USP3: variants seen among roughly 807,000 people sequenced by gnomAD.
The protein encoded by USP3 is ubiquitin carboxyl-terminal hydrolase 3.
A neutral mutation model predicts 72.3 loss-of-function variants in USP3; 20 were observed. The ratio of observed to expected loss-of-function variants is 0.28; its 90% CI spans 0.19 to 0.40. The LOEUF is 0.40. USP3 is among the 10% of genes least tolerant of loss of function. The probability of loss-of-function intolerance (pLI) is 1.00; values close to 1 mark genes in which losing one functional copy is unlikely to be tolerated. For missense variants in USP3, 479 were observed against 633.9 expected (o/e 0.76, Z 2.62); for synonymous variants, 222 against 225.3 (o/e 0.99, Z 0.13).
intron 1 of USP3, among the ~76,000 whole-genome samples, chr15:63,513,208 A>G (rs975148486): frequency 6.6e-6 from 1 of 152,296 alleles, no homozygotes; most frequent in East Asian, 1.9e-4. Flanking sequence ...CCCTGAAGAC[A>G]CTTAATTTTA....
chr15:63,576,100 G>T (rs567633738), intron 11 of USP3, among the ~76,000 whole-genome samples: 1 of 151,430 alleles, frequency 6.6e-6, no homozygotes, highest in East Asian at 2.0e-4. Flanking sequence ...GATTCTCCTG[G>T]CTCAGCCTCC....
rs773686634 is a variant in USP3 at position 63,544,936 on chromosome 15, T to G, written c.284+7780T>G. ...GTTTCTCAGGGAAAAGGGAAAAAGA[T>G]GTACCAAAGGAAATAACCAAAGTAT... On this transcript the variant is annotated intron_variant, in intron 3 of 14. Coordinates refer to ENST00000380324, the MANE Select transcript of USP3 (RefSeq NM_006537.4). This position sits in a 1 kb window ranked among gnomAD's most constrained non-coding sequence, Gnocchi z 4.2. Among the ~76,000 whole-genome samples the G allele has an allele frequency of 6.6e-6, 1 of 152,100 alleles. No homozygotes were observed. Among genetic ancestry groups the G allele is most frequent in the Non-Finnish European group, 1.5e-5 (1 of 68,004 alleles).
intron 3 of USP3, among the ~76,000 whole-genome samples, chr15:63,542,482 T>G (rs2066258795): frequency 6.6e-6 from 1 of 151,940 alleles, no homozygotes; most frequent in South Asian, 2.1e-4. Context: ...TAGTTGGAAA[T>G]AACTATAACT....
intron 11 of USP3, among the ~76,000 whole-genome samples, chr15:63,580,681 T>C (rs2066941792): frequency 1.2e-5 from 1 of 80,370 alleles, no homozygotes; most frequent in African/African-American, 6.2e-5. Flanking sequence ...GAATATATAA[T>C]ATATATGCAT....
intron 1 of USP3, among the ~76,000 whole-genome samples, chr15:63,515,724 TGTTAC>T (rs2065842065): frequency 6.6e-6 from 1 of 152,270 alleles, no homozygotes; most frequent in Non-Finnish European, 1.5e-5. Flanking sequence ...TGAATTGTTA[TGTTAC>T]ATCAATTTAC....
intron 8 of USP3, among the ~76,000 whole-genome samples, chr15:63,567,539 G>A (rs1488582829): frequency 1.3e-5 from 2 of 151,810 alleles, no homozygotes; most frequent in East Asian, 3.9e-4. Context: ...GTGGAGACGG[G>A]GTTTCACCGT....
intron 2 of USP3, among the ~76,000 whole-genome samples, chr15:63,533,262 C>G (rs1000395356): frequency 3.3e-5 from 5 of 152,138 alleles, no homozygotes; most frequent in Non-Finnish European, 7.4e-5. Context: ...AAAATGATCT[C>G]ATTGTGGAGT....
intron 8 of USP3, among the ~76,000 whole-genome samples, chr15:63,563,690 G>A (rs1595752519): frequency 6.6e-6 from 1 of 152,250 alleles, no homozygotes; most frequent in East Asian, 1.9e-4. Context: ...ACCTTCTGCC[G>A]ATTTTACCCT....
rs2066292226 is a variant in USP3 at position 63,544,523 on chromosome 15, C to T, written c.284+7367C>T. 1.8e-6 allele frequency: 1 copy of T among 566,030 alleles called. No individual in the cohort carries two copies. Among genetic ancestry groups the T allele is most frequent in the South Asian group, 2.3e-5 (1 of 43,812 alleles). 35.1% of individuals were successfully genotyped at this position (566,030 alleles called of 1,614,324 possible). A position where few individuals can be genotyped will look rare whatever the true frequency, so the allele number is the denominator to read the frequency against. On this transcript the variant is annotated intron_variant, in intron 3 of 14. Coordinates refer to ENST00000380324, the MANE Select transcript of USP3 (RefSeq NM_006537.4). The surrounding 1 kb of genome is among the most constrained non-coding windows in gnomAD (Gnocchi z 4.2). ...GGGGGCAAGTAGTGCAGGGCAAAAACAGGAAGGAAACGAGTGTTTCTAAAG... is the reference window on the plus strand; with the variant it reads ...GGGGGCAAGTAGTGCAGGGCAAAAATAGGAAGGAAACGAGTGTTTCTAAAG...
chr15:63,574,148 C>T lies in USP3; in HGVS notation c.1011C>T (p.Phe337=). 1.3e-6 allele frequency: 2 copies of T among 1,582,274 alleles called. No individual in the cohort carries two copies. Among genetic ancestry groups the T allele is most frequent in the Non-Finnish European group, 1.7e-6 (2 of 1,163,840 alleles). The stretch of plus-strand genomic sequence containing the variant: ...CAGAATCTAGAAAGTTTGATCCATT[C>T]CTAGGTAAGATATATGTGGCATGTG... The part of the protein sequence containing the change: ...CGTESRKFDP[F]LDLSLDIPSQ... The change falls in exon 10 of 15, where the codon TTC becomes TTT. Residue 337 remains phenylalanine, a synonymous_variant. Transcript: ENST00000380324. This position sits in a 1 kb window ranked among gnomAD's most constrained non-coding sequence, Gnocchi z 4.6.
At chr15:63,558,758 C>T (rs369934440) in intron 6 of USP3, among the ~76,000 whole-genome samples, 1 of 152,050 alleles carries the variant, frequency 6.6e-6, no homozygotes, top group African/African-American at 2.4e-5. Flanking sequence ...GCCTCTAGTC[C>T]CAGCTGCTTG....
At chr15:63,558,299 C>A (rs979448704) in intron 6 of USP3, 111 bp downstream of exon 6, 5 of 1,169,216 alleles carry the variant, frequency 4.3e-6, no homozygotes, top group Non-Finnish European at 6.2e-6. Flanking sequence ...GAGCAAGATA[C>A]CTTAATTTCC....
intron 5 of USP3, 82 bp downstream of exon 5, chr15:63,556,830 AC>A: frequency 1.0e-6 from 1 of 981,446 alleles, no homozygotes; most frequent in South Asian, 1.7e-5. Flanking sequence ...ATGTAATGTT[AC>A]CTGTTACAGA....
intron 1 of USP3, among the ~76,000 whole-genome samples, chr15:63,517,454 G>A (rs573606832): frequency 6.6e-6 from 1 of 152,224 alleles, no homozygotes; most frequent in African/African-American, 2.4e-5. Flanking sequence ...GATTCTTTCA[G>A]ATTGGAGGTT....
At chr15:63,520,029 C>T (rs2065899053) in intron 1 of USP3, among the ~76,000 whole-genome samples, 1 of 152,110 alleles carries the variant, frequency 6.6e-6, no homozygotes, top group Non-Finnish European at 1.5e-5. Context: ...TGTACTTAGC[C>T]TGTTGCAGCC....
chr15:63,541,106 G>A (rs1395601277), intron 3 of USP3, among the ~76,000 whole-genome samples: 2 of 151,996 alleles, frequency 1.3e-5, no homozygotes, highest in Non-Finnish European at 2.9e-5. Flanking sequence ...TGTCAACTTC[G>A]ATATCCTTAT....
chr15:63,556,301 C>G (rs2152670954), intron 4 of USP3: 1 of 169,720 alleles, frequency 5.9e-6, no homozygotes, highest in Non-Finnish European at 1.3e-5. Flanking sequence ...TGTTAAATTT[C>G]AGAACAGTAG....
chr15:63,525,873 A>G (rs1156815883), intron 1 of USP3, among the ~76,000 whole-genome samples: 1 of 152,188 alleles, frequency 6.6e-6, no homozygotes, highest in Non-Finnish European at 1.5e-5. Context: ...TTTACTATTG[A>G]TACTTTCACG....
chr15:63,537,233 C>G, intron 3 of USP3, 77 bp downstream of exon 3: 1 of 1,495,498 alleles, frequency 6.7e-7, no homozygotes, highest in Non-Finnish European at 9.0e-7. Flanking sequence ...CCCTCAGTCT[C>G]TAAGCCAGTT....
Sources: gnomAD v4.1 joint callset for allele counts (sites outside exome capture counted in the v4.1 genomes callset) on GRCh38, gnomAD v4.1.1 for gene constraint, Gnocchi (gnomAD v3.1) non-coding constraint, MANE v1.5 for transcripts, NCBI Gene and HGNC (gene_info 2026-07-23, HGNC 2026-07-21) for gene names.